The following TENM2 variants were observed in gnomAD, a reference collection of about 807,000 sequenced individuals.
TENM2 encodes the protein teneurin transmembrane protein 2.
In TENM2, 52 loss-of-function variants were observed where a neutral mutation model predicts 245.2. That is an observed-to-expected ratio of 0.21 (90% CI 0.17 to 0.27). The LOEUF (loss-of-function observed/expected upper bound fraction) is 0.27, where lower values mean the gene tolerates loss of function less well. Ranked by LOEUF, TENM2 falls within the 10% of genes least tolerant of loss-of-function variation. TENM2 has a pLI of 1.00. For missense variants in TENM2, 3,046 were observed against 3,666.8 expected (o/e 0.83, Z 4.37); for synonymous variants, 1,363 against 1,438.9 (o/e 0.95, Z 1.19).
At chr5:167,840,733 T>C (rs1583157021) in intron 2 of TENM2, among the ~76,000 whole-genome samples, 1 of 152,094 alleles carries the variant, frequency 6.6e-6, no homozygotes, top group East Asian at 1.9e-4. Context: ...AAATATACCA[T>C]GCACCATTAA....
At chr5:167,263,970 T>C in the TENM2 span, among the ~76,000 whole-genome samples, 4 of 151,828 alleles carry the variant, frequency 2.6e-5, no homozygotes, top group Middle Eastern at 3.2e-3. Flanking sequence ...TTGGGTGTAG[T>C]GGCAGGCGCC....
intron 2 of TENM2, among the ~76,000 whole-genome samples, chr5:167,818,234 C>T (rs922568608): frequency 6.6e-6 from 1 of 152,128 alleles, no homozygotes; most frequent in South Asian, 2.1e-4. Context: ...ACATCTCTGT[C>T]ATGGGGCAGC....
chr5:167,124,594 T>C, the TENM2 span, among the ~76,000 whole-genome samples: 2 of 152,182 alleles, frequency 1.3e-5, no homozygotes, highest in African/African-American at 4.8e-5. Flanking sequence ...CTATTCGCTC[T>C]TTCCTTTGGT....
At chr5:167,805,653 CTA>C (rs1256350801) in intron 2 of TENM2, among the ~76,000 whole-genome samples, 1 of 152,020 alleles carries the variant, frequency 6.6e-6, no homozygotes, top group Non-Finnish European at 1.5e-5. Context: ...AGTTTTAAAC[CTA>C]TGTTTTATTT....
intron 2 of TENM2, among the ~76,000 whole-genome samples, chr5:167,744,532 A>C (rs1761421733): frequency 6.6e-6 from 1 of 152,158 alleles, no homozygotes; most frequent in African/African-American, 2.4e-5. Flanking sequence ...AGGAAAATGC[A>C]ATGATTTTTA....
chr5:168,180,321 G>A (rs1474791382), intron 13 of TENM2, among the ~76,000 whole-genome samples: 2 of 152,336 alleles, frequency 1.3e-5, no homozygotes, highest in African/African-American at 2.4e-5. Flanking sequence ...GACTCATAAC[G>A]TGTATCCATA....
chr5:168,221,962 G>A (rs1179988969), intron 23 of TENM2, among the ~76,000 whole-genome samples: 1 of 152,154 alleles, frequency 6.6e-6, no homozygotes, highest in Non-Finnish European at 1.5e-5. Flanking sequence ...TTAACAACAG[G>A]AGCCCTGTGC....
At chr5:167,825,285 G>C (rs116315310) in intron 2 of TENM2, among the ~76,000 whole-genome samples, 1,830 of 151,422 alleles carry the variant, frequency 0.012, 31 homozygotes, top group African/African-American at 0.035. Context: ...GTAGTACATG[G>C]GTTTCTGCAG....
intron 1 of TENM2, among the ~76,000 whole-genome samples, chr5:167,314,599 T>C (rs1756241434): frequency 6.6e-6 from 1 of 152,150 alleles, no homozygotes; most frequent in African/African-American, 2.4e-5. Flanking sequence ...GAGATGGATG[T>C]CGTTTTAAAG....
intron 5 of TENM2, chr5:168,033,260 T>G (rs1787294483): frequency 6.6e-6 from 1 of 152,176 alleles, no homozygotes; most frequent in Non-Finnish European, 1.5e-5. Context: ...AAGTGGAGCT[T>G]AGATTTCATG....
chr5:167,847,256 C>A (rs1329062249), intron 2 of TENM2, among the ~76,000 whole-genome samples: 1 of 152,174 alleles, frequency 6.6e-6, no homozygotes, highest in Admixed American at 6.5e-5. Flanking sequence ...CCCAGCCTCA[C>A]CCTATCTTTA....
intron 2 of TENM2, among the ~76,000 whole-genome samples, chr5:167,731,831 G>A (rs1760461198): frequency 1.3e-5 from 2 of 149,290 alleles, no homozygotes. Flanking sequence ...CTGTTACCTT[G>A]TCACAATGCC....
At chr5:167,602,167 G>T (rs900686793) in intron 2 of TENM2, among the ~76,000 whole-genome samples, 1 of 152,184 alleles carries the variant, frequency 6.6e-6, no homozygotes, top group Admixed American at 6.5e-5. Flanking sequence ...TTCCCCTGCA[G>T]GTTTGTAGTA....
At chr5:167,347,191 A>G (rs560999211) in intron 1 of TENM2, among the ~76,000 whole-genome samples, 63 of 152,146 alleles carry the variant, frequency 4.1e-4, no homozygotes, top group Non-Finnish European at 8.7e-4. Context: ...TTTAATGGAT[A>G]GTACGCATGC....
At position 168,260,278 on chromosome 5, in the gene TENM2, C is replaced by A; in HGVS notation, c.7433-5C>A. On this transcript the variant is annotated splice_region_variant and splice_polypyrimidine_tract_variant and intron_variant, in intron 27 of 28. Transcript: ENST00000518659. ...AGAAACCTTTATTTTTGTTTTCCAC[C>A]ATAGATGTGAAAAGCTGGCTTGTGA... 6.2e-7 allele frequency: 1 copy of A among 1,613,870 alleles called. No homozygotes were observed. The highest frequency in any genetic ancestry group is 8.5e-7 in the Non-Finnish European group (1 of 1,179,822).
At chr5:168,124,426 T>G (rs755815183) in intron 10 of TENM2, among the ~76,000 whole-genome samples, 1 of 152,216 alleles carries the variant, frequency 6.6e-6, no homozygotes, top group Non-Finnish European at 1.5e-5. Context: ...TACTTTTCTC[T>G]CTTATAGTGA....
At chr5:168,229,051 ATATAATTAATG>A (rs1181441329) in intron 25 of TENM2, among the ~76,000 whole-genome samples, 5 of 148,136 alleles carry the variant, frequency 3.4e-5, no homozygotes, top group Admixed American at 2.0e-4. Flanking sequence ...ATAATTACAT[ATATAATTAATG>A]TATAATTATA....
At chr5:167,211,524 G>C in the TENM2 span, among the ~76,000 whole-genome samples, 2 of 152,112 alleles carry the variant, frequency 1.3e-5, no homozygotes, top group African/African-American at 4.8e-5. Flanking sequence ...TTTATCATTT[G>C]CAATGCTAAG....
At chr5:167,452,460 G>A (rs1765642893) in intron 2 of TENM2, among the ~76,000 whole-genome samples, 1 of 152,138 alleles carries the variant, frequency 6.6e-6, no homozygotes. Context: ...GTTTCCCAGG[G>A]CGACAGCCAG....
Sources: allele counts gnomAD v4.1 joint callset (sites outside exome capture counted in the v4.1 genomes callset), GRCh38; gene constraint gnomAD v4.1.1; transcripts MANE v1.5; gene names NCBI Gene and HGNC (gene_info 2026-07-23, HGNC 2026-07-21).